The following NHEJ1 variants were observed in gnomAD, a reference collection of about 807,000 sequenced individuals.
NHEJ1 encodes the protein non-homologous end joining factor 1.
NHEJ1 carries 22 observed loss-of-function variants against 39.4 expected under a neutral mutation model. That is an observed-to-expected ratio of 0.56 (90% CI 0.40 to 0.80). The LOEUF (loss-of-function observed/expected upper bound fraction) is 0.80. NHEJ1 is among the 30% of genes least tolerant of loss of function. The probability of loss-of-function intolerance (pLI) is 0.00; values close to 1 mark genes in which losing one functional copy is unlikely to be tolerated. For missense variants in NHEJ1, 329 were observed against 357.1 expected, an observed-to-expected ratio of 0.92 and a Z score of 0.63; for synonymous variants, 154 against 135.6, an observed-to-expected ratio of 1.14 and a Z score of -0.94.
At chr2:219,085,389 T>C (rs1949102476) in intron 5 of NHEJ1, among the ~76,000 whole-genome samples, 2 of 152,206 alleles carry the variant, frequency 1.3e-5, no homozygotes, top group African/African-American at 4.8e-5. Flanking sequence ...ATCAGTTCAG[T>C]GATCAGAAAC....
intron 4 of NHEJ1, 127 bp from the exon 5 acceptor site, chr2:219,146,865 G>A (rs1317312837): frequency 1.4e-6 from 1 of 739,282 alleles, no homozygotes; most frequent in Non-Finnish European, 2.4e-6. Context: ...GAGACACCTA[G>A]TTCAGTGGGA....
At chr2:219,132,983 A>T (rs1302506715) in intron 5 of NHEJ1, among the ~76,000 whole-genome samples, 3 of 152,256 alleles carry the variant, frequency 2.0e-5, no homozygotes, top group African/African-American at 7.2e-5. Flanking sequence ...GGGCTTAATA[A>T]GTACTGTCCA....
At chr2:219,093,294 G>A (rs1015941380) in intron 5 of NHEJ1, among the ~76,000 whole-genome samples, 2 of 152,170 alleles carry the variant, frequency 1.3e-5, no homozygotes, top group Non-Finnish European at 2.9e-5. Flanking sequence ...GAACTCGTAG[G>A]AGCCAGAGGA....
chr2:219,129,000 G>A (rs1949550794), intron 5 of NHEJ1, among the ~76,000 whole-genome samples: 1 of 152,170 alleles, frequency 6.6e-6, no homozygotes, highest in Non-Finnish European at 1.5e-5. Flanking sequence ...AGAGTTGTAG[G>A]TAAAATTAAG....
At position 219,130,876 on chromosome 2, in the gene NHEJ1, G is replaced by A. The variant is rs1246228355; in HGVS notation, c.588+15804C>T. 3.3e-5 allele frequency among the ~76,000 whole-genome samples: 5 copies of A among 152,024 alleles called. No homozygotes were observed. In the South Asian group the frequency reaches 8.3e-4, roughly 25 times the overall value. On this transcript the variant is annotated intron_variant, in intron 5 of 7. Transcript: ENST00000356853. ...GGCTGAGGCAGGAGGATCGCTTGAG[G>A]CCAGGAGTTCAAGACCAGCCTGGGA...
chr2:219,122,433 T>G (rs1249845338), intron 5 of NHEJ1, among the ~76,000 whole-genome samples: 1 of 152,198 alleles, frequency 6.6e-6, no homozygotes, highest in African/African-American at 2.4e-5. Flanking sequence ...GTTAGTTATC[T>G]CTGTACCCTT....
intron 3 of NHEJ1, among the ~76,000 whole-genome samples, chr2:219,153,229 G>T (rs1949814779): frequency 6.6e-6 from 1 of 152,138 alleles, no homozygotes. Flanking sequence ...AGACAGTAAG[G>T]TTGTGGTTGA....
intron 5 of NHEJ1, among the ~76,000 whole-genome samples, chr2:219,101,933 C>T (rs1949265187): frequency 6.6e-6 from 1 of 150,882 alleles, no homozygotes; most frequent in African/African-American, 2.4e-5. Context: ...ACCATGTTGG[C>T]CAAGATGGTC....
At chr2:219,152,802 TTTATTTA>T (rs1949810289) in intron 3 of NHEJ1, among the ~76,000 whole-genome samples, 1 of 141,386 alleles carries the variant, frequency 7.1e-6, no homozygotes, top group Non-Finnish European at 1.6e-5. Context: ...TATTTATTTA[TTTATTTA>T]TTTATTTATT....
intron 5 of NHEJ1, among the ~76,000 whole-genome samples, chr2:219,134,115 C>T (rs1949603045): frequency 6.6e-6 from 1 of 152,218 alleles, no homozygotes; most frequent in African/African-American, 2.4e-5. Context: ...CGTTCTTTAA[C>T]AGCCTGCTTT....
rs1407204127 is a variant in NHEJ1 at position 219,070,665 on chromosome 2, C to T, written c.*5716G>A. On this transcript the variant is annotated 3_prime_UTR_variant, in exon 8 of 8. Transcript: ENST00000356853. ...AATTTCCCCTTTAGCACAATCCAGA[C>T]ACTCAATCTTTTCTTTCTTTTTTTT... 6.6e-6 allele frequency among the ~76,000 whole-genome samples: 1 copy of T among 152,142 alleles called. No individual in the cohort carries two copies. The highest frequency in any genetic ancestry group is 1.5e-5 in the Non-Finnish European group (1 of 67,992).
intron 5 of NHEJ1, among the ~76,000 whole-genome samples, chr2:219,126,359 G>A (rs1194810839): frequency 6.6e-6 from 1 of 152,200 alleles, no homozygotes; most frequent in Non-Finnish European, 1.5e-5. Flanking sequence ...CCAACCCATC[G>A]TACCTCCTCA....
intron 5 of NHEJ1, among the ~76,000 whole-genome samples, chr2:219,105,583 C>T (rs867590424): frequency 6.6e-6 from 1 of 152,352 alleles, no homozygotes; most frequent in Non-Finnish European, 1.5e-5. Flanking sequence ...TTAACAAATG[C>T]TGTTCCATTT....
chr2:219,114,284 G>A (rs1366414346), intron 5 of NHEJ1, among the ~76,000 whole-genome samples: 1 of 152,128 alleles, frequency 6.6e-6, no homozygotes, highest in African/African-American at 2.4e-5. Context: ...CATTCAACTC[G>A]ATTCAGCAAA....
chr2:219,155,799 C>T (rs1291318580), intron 3 of NHEJ1, among the ~76,000 whole-genome samples: 1 of 151,430 alleles, frequency 6.6e-6, no homozygotes, highest in East Asian at 1.9e-4. Context: ...GTGGTGTGCG[C>T]CTGTAGTCCC....
In NHEJ1 at chr2:219,158,661, G is replaced by C. The variant is rs1451915922; in HGVS notation, c.1-299C>G. 2.6e-5 allele frequency among the ~76,000 whole-genome samples: 4 copies of C among 151,740 alleles called. No homozygotes were observed. In the East Asian group the frequency reaches 7.7e-4, roughly 29 times the overall value. ...TCAGCATATTGCTGTTAGTATTTCT[G>C]CTTTCTAATACTATAACATAACGTG... On this transcript the variant is annotated intron_variant, in intron 1 of 7. Transcript: ENST00000356853.
chr2:219,117,328 T>C (rs964012492), intron 5 of NHEJ1, among the ~76,000 whole-genome samples: 10 of 152,182 alleles, frequency 6.6e-5, no homozygotes, highest in African/African-American at 2.2e-4. Flanking sequence ...CAGGCTACTC[T>C]GGACAGCAGA....
At chr2:219,091,692 A>T (rs964903563) in intron 5 of NHEJ1, among the ~76,000 whole-genome samples, 2 of 152,214 alleles carry the variant, frequency 1.3e-5, no homozygotes, top group Non-Finnish European at 2.9e-5. Flanking sequence ...ATTCTGCTGC[A>T]AACTCTCTGA....
chr2:219,146,289 G>A (rs535247481), intron 5 of NHEJ1, among the ~76,000 whole-genome samples: 1 of 152,196 alleles, frequency 6.6e-6, no homozygotes, highest in South Asian at 2.1e-4. Context: ...TCTCCTGCAG[G>A]ATCCTGAAAG....
Sources: gnomAD v4.1 joint callset for allele counts (sites outside exome capture counted in the v4.1 genomes callset) on GRCh38, gnomAD v4.1.1 for gene constraint, MANE v1.5 for transcripts, NCBI Gene and HGNC (gene_info 2026-07-23, HGNC 2026-07-21) for gene names.